Variants in RAI1 observed in about 807,000 individuals in gnomAD.
RAI1 encodes retinoic acid induced 1, also known as retinoic acid-induced protein 1.
Under a neutral mutation model 123.8 loss-of-function variants are expected in RAI1, and 9 were observed. The ratio of observed to expected loss-of-function variants is 0.07; its 90% CI spans 0.04 to 0.13. The LOEUF (loss-of-function observed/expected upper bound fraction) is 0.13, where lower values mean the gene tolerates loss of function less well. Among genes scored for constraint, RAI1 ranks in the 10% least tolerant of loss-of-function variants. RAI1 has a pLI of 1.00. For missense variants in RAI1, 2,256 were observed against 2,545.8 expected (o/e 0.89, Z 2.45); for synonymous variants, 1,231 against 1,127.3 (o/e 1.09, Z -1.84).
intron 2 of RAI1, among the ~76,000 whole-genome samples, chr17:17,783,511 C>T (rs1195569750): frequency 6.6e-6 from 1 of 152,152 alleles, no homozygotes; most frequent in Non-Finnish European, 1.5e-5. Flanking sequence ...CTGCCTTTGT[C>T]TTACACGGCT....
intron 2 of RAI1, among the ~76,000 whole-genome samples, chr17:17,755,640 G>T (rs2030409398): frequency 6.6e-6 from 1 of 152,162 alleles, no homozygotes; most frequent in Admixed American, 6.5e-5. Context: ...TAGCCAGCAG[G>T]GGTGCGTCCC....
chr17:17,798,611 G>C, intron 3 of RAI1, 98 bp downstream of exon 3: 1 of 1,542,464 alleles, frequency 6.5e-7, no homozygotes, highest in Non-Finnish European at 8.7e-7. Context: ...TACAGTGTGG[G>C]CCAAATGTGT....
At chr17:17,781,166 C>T (rs539698935) in intron 2 of RAI1, among the ~76,000 whole-genome samples, 122 of 152,326 alleles carry the variant, frequency 8.0e-4, no homozygotes, top group Non-Finnish European at 1.3e-3. Flanking sequence ...TATTCTTCCC[C>T]GCCACCAAGC....
chr17:17,761,631 C>G (rs755712020), intron 2 of RAI1, among the ~76,000 whole-genome samples: 3 of 152,200 alleles, frequency 2.0e-5, no homozygotes, highest in African/African-American at 4.8e-5. Flanking sequence ...GCCAGGCAAA[C>G]TAGGAGCAGG....
chr17:17,771,780 C>T (rs2031169504), intron 2 of RAI1, among the ~76,000 whole-genome samples: 1 of 152,208 alleles, frequency 6.6e-6, no homozygotes, highest in Non-Finnish European at 1.5e-5. Context: ...TTCCAAGCCC[C>T]CAGCACCCGC....
chr17:17,800,543 G>A lies in RAI1; in HGVS notation c.5565+2030G>A, dbSNP rs896123543. Among the ~76,000 whole-genome samples the A allele has an allele frequency of 2.6e-5, 4 of 152,140 alleles. No homozygotes were observed. Among genetic ancestry groups the A allele is most frequent in the African/African-American group, 7.2e-5 (3 of 41,436 alleles). On this transcript the variant is annotated intron_variant, in intron 3 of 5. Transcript: ENST00000353383. The surrounding 1 kb of genome is among the most constrained non-coding windows in gnomAD (Gnocchi z 4.7). ...TCCCTGGCCCATGGGTGTCTTAACCGCCCATGCACACACAAGGTCCTGCTG... is the reference window on the plus strand; with the variant it reads ...TCCCTGGCCCATGGGTGTCTTAACCACCCATGCACACACAAGGTCCTGCTG...
chr17:17,783,983 C>A (rs908770128), intron 2 of RAI1, among the ~76,000 whole-genome samples: 1 of 152,226 alleles, frequency 6.6e-6, no homozygotes, highest in Non-Finnish European at 1.5e-5. Context: ...CTCTCTCTCT[C>A]CCCTTTTTTC....
chr17:17,765,617 T>C (rs1385691867), intron 2 of RAI1, among the ~76,000 whole-genome samples: 2 of 152,240 alleles, frequency 1.3e-5, no homozygotes, highest in African/African-American at 2.4e-5. Context: ...TGAACTCACT[T>C]CCACCAGGTA....
chr17:17,699,104 G>C (rs1405765389), intron 1 of RAI1, among the ~76,000 whole-genome samples: 1 of 152,212 alleles, frequency 6.6e-6, no homozygotes, highest in Non-Finnish European at 1.5e-5. Context: ...CCAGATTCTT[G>C]CTGTGTGGCC....
chr17:17,809,553 C>T lies in RAI1; in HGVS notation c.5709+114C>T. ...CTTGGCTGCGCAGCCCCGCAGGGCC[C>T]AGCCCTAGGGGAGGGAGCTCTCCCC... On this transcript the variant is annotated intron_variant, in intron 5 of 5. Transcript: ENST00000353383. This position sits in a 1 kb window ranked among gnomAD's most constrained non-coding sequence, Gnocchi z 4.9. The T allele has an allele frequency of 8.3e-7, 1 of 1,208,098 alleles. No homozygotes were observed. The highest frequency in any genetic ancestry group is 1.2e-5 in the South Asian group (1 of 81,604). 74.8% of individuals were successfully genotyped at this position (1,208,098 alleles called of 1,614,324 possible). A position where few individuals can be genotyped will look rare whatever the true frequency, so the allele number is the denominator to read the frequency against.
chr17:17,709,243 C>T (rs1722331032), intron 1 of RAI1, among the ~76,000 whole-genome samples: 1 of 152,160 alleles, frequency 6.6e-6, no homozygotes, highest in Admixed American at 6.5e-5. Flanking sequence ...CTGAGAGTAC[C>T]TAGGGAGAGC....
rs1158157077 is a variant in RAI1, at chr17:17,809,466, C to A, written c.5709+27C>A. ...TAGGGGACCACAGTGTTTTGTAGGG[C>A]GAGGGGTGTCAAGCGGGAGAGGAGC... On this transcript the variant is annotated intron_variant, in intron 5 of 5. Coordinates refer to ENST00000353383, the MANE Select transcript of RAI1 (RefSeq NM_030665.4). This position sits in a 1 kb window ranked among gnomAD's most constrained non-coding sequence, Gnocchi z 4.9. The A allele has an allele frequency of 1.9e-6, 3 of 1,571,532 alleles. No individual in the cohort carries two copies. Among genetic ancestry groups the A allele is most frequent in the Non-Finnish European group, 2.6e-6 (3 of 1,142,050 alleles).
chr17:17,755,090 G>T (rs1158210420), intron 2 of RAI1, among the ~76,000 whole-genome samples: 1 of 152,214 alleles, frequency 6.6e-6, no homozygotes, highest in African/African-American at 2.4e-5. Context: ...CCTGACGTTT[G>T]GACTGTTTAG....
rs75715161 is a variant in RAI1 at position 17,729,541 on chromosome 17, G to A, written c.-17+5382G>A. Among the ~76,000 whole-genome samples the A allele has an allele frequency of 1.2e-3, 186 of 152,286 alleles. 2 individuals are homozygous for A. The highest frequency in any genetic ancestry group is 4.3e-3 in the African/African-American group (178 of 41,562). ...CAAGTGAGATCGCTGGCCACGAGTG[G>A]GGGCTTTTTCTGCTTCTCTGAGCCT... On this transcript the variant is annotated intron_variant, in intron 2 of 5. Transcript: ENST00000353383.
chr17:17,707,068 A>G (rs1915416570), intron 1 of RAI1, among the ~76,000 whole-genome samples: 1 of 152,150 alleles, frequency 6.6e-6, no homozygotes, highest in African/African-American at 2.4e-5. Flanking sequence ...TAAGCTACTC[A>G]GGAGGCTGAG....
In RAI1 at chr17:17,794,076, G is replaced by T; in HGVS notation, c.1128G>T (p.Pro376=). The T allele has an allele frequency of 3.1e-6, 5 of 1,613,984 alleles. No individual in the cohort carries two copies. The highest frequency in any genetic ancestry group is 3.4e-6 in the Non-Finnish European group (4 of 1,180,018). ...AGAACTTTCCCTACAGCCAGCAGCC[G>T]CTCAGCACCGGGGCCTTCCCCGCAG... ...NLENFPYSQQ[P]LSTGAFPAGI... Residue 376 remains proline, a synonymous_variant, in exon 3 of 6, where the codon CCG becomes CCT. Transcript: ENST00000353383.
rs185977759 is a variant in RAI1, at chr17:17,703,969, C to G, written c.-148-20059C>G. ...CTCACTCCAGGCTTCTCGGGTCTCC[C>G]TATTGGGGACTGACCGTGGGAGCAG... is the stretch of plus-strand genomic sequence containing the variant. On this transcript the variant is annotated intron_variant, in intron 1 of 5. Transcript: ENST00000353383. Among the ~76,000 whole-genome samples, 657 of 152,312 alleles carry G rather than the reference C, an allele frequency of 4.3e-3. 7 individuals are homozygous for G. Among genetic ancestry groups the G allele is most frequent in the Admixed American group, 5.1e-3 (78 of 15,298 alleles).
At chr17:17,721,741 G>A (rs1430984164) in intron 1 of RAI1, among the ~76,000 whole-genome samples, 2 of 152,216 alleles carry the variant, frequency 1.3e-5, no homozygotes, top group African/African-American at 2.4e-5. Flanking sequence ...GCAGCCTCAG[G>A]ACTGAGTGAC....
intron 2 of RAI1, among the ~76,000 whole-genome samples, chr17:17,732,708 G>C (rs1390014612): frequency 6.6e-6 from 1 of 152,186 alleles, no homozygotes; most frequent in Non-Finnish European, 1.5e-5. Flanking sequence ...AGAGGCTACT[G>C]CTGCCTGGCG....
Sources: gnomAD v4.1 joint callset for allele counts (sites outside exome capture counted in the v4.1 genomes callset) on GRCh38, gnomAD v4.1.1 for gene constraint, Gnocchi (gnomAD v3.1) non-coding constraint, MANE v1.5 for transcripts, NCBI Gene and HGNC (gene_info 2026-07-23, HGNC 2026-07-21) for gene names.